Variants in LRMDA observed in about 807,000 individuals in gnomAD.
LRMDA encodes leucine-rich melanocyte differentiation-associated protein.
Under a neutral mutation model 29.8 loss-of-function variants are expected in LRMDA, and 18 were observed. That is an observed-to-expected ratio of 0.60 (90% confidence interval 0.42 to 0.90). The LOEUF (loss-of-function observed/expected upper bound fraction) is 0.90. Among genes scored for constraint, LRMDA ranks in the 40% least tolerant of loss-of-function variants. The probability of loss-of-function intolerance (pLI) is 0.00; values close to 1 mark genes in which losing one functional copy is unlikely to be tolerated. For synonymous variants in LRMDA, 125 were observed against 109.4 expected (o/e 1.14, Z -0.89); for missense variants, 273 against 273.9 (o/e 1.00, Z 0.02).
At chr10:75,463,039 T>G (rs1844605837) in intron 2 of LRMDA, among the ~76,000 whole-genome samples, 3 of 152,294 alleles carry the variant, frequency 2.0e-5, no homozygotes, top group Non-Finnish European at 4.4e-5. Flanking sequence ...CACCTGAGGC[T>G]CCGTTGTTAA....
intron 2 of LRMDA, among the ~76,000 whole-genome samples, chr10:75,692,202 T>TGG (rs1487031449): frequency 3.5e-5 from 3 of 86,614 alleles, no homozygotes; most frequent in Non-Finnish European, 6.2e-5. Flanking sequence ...ACCTTGTCTC[T>TGG]GGGGGGAAAA....
intron 2 of LRMDA, among the ~76,000 whole-genome samples, chr10:75,754,951 A>G (rs1381666358): frequency 6.6e-6 from 1 of 151,876 alleles, no homozygotes; most frequent in Admixed American, 6.6e-5. Flanking sequence ...TTGTGTATCT[A>G]TAGGTATGAA....
chr10:75,885,113 G>GC (rs1845362987), intron 2 of LRMDA, among the ~76,000 whole-genome samples: 1 of 152,082 alleles, frequency 6.6e-6, no homozygotes, highest in Non-Finnish European at 1.5e-5. Context: ...AGTTCGGGAG[G>GC]CCTGGGAAGG....
intron 2 of LRMDA, among the ~76,000 whole-genome samples, chr10:75,445,756 T>C (rs1589146467): frequency 6.6e-6 from 1 of 152,216 alleles, no homozygotes; most frequent in Non-Finnish European, 1.5e-5. Context: ...AGAGCAGAGC[T>C]CCCATGGCAA....
At chr10:76,338,881 G>C (rs1432645069) in intron 6 of LRMDA, among the ~76,000 whole-genome samples, 1 of 152,096 alleles carries the variant, frequency 6.6e-6, no homozygotes, top group Middle Eastern at 3.2e-3. Flanking sequence ...AAATGACAAA[G>C]AGGGTTATTT....
intron 2 of LRMDA, among the ~76,000 whole-genome samples, chr10:75,993,040 T>G (rs1231843872): frequency 6.6e-6 from 1 of 152,098 alleles, no homozygotes; most frequent in African/African-American, 2.4e-5. Flanking sequence ...TTTACAACTT[T>G]TATTGGAGCT....
chr10:76,384,194 T>C (rs527580103), intron 6 of LRMDA, among the ~76,000 whole-genome samples: 1 of 152,352 alleles, frequency 6.6e-6, no homozygotes, highest in African/African-American at 2.4e-5. Flanking sequence ...CAGTAAAGTT[T>C]ATGTCATTTT....
At chr10:75,622,955 A>T in intron 2 of LRMDA, among the ~76,000 whole-genome samples, 1 of 152,226 alleles carries the variant, frequency 6.6e-6, no homozygotes. Context: ...TACAAGGTAA[A>T]CTATTTTGTT....
intron 5 of LRMDA, among the ~76,000 whole-genome samples, chr10:76,140,691 A>ACTCTCT (rs150544970): frequency 6.6e-6 from 1 of 150,576 alleles, no homozygotes; most frequent in Non-Finnish European, 1.5e-5. Context: ...ACAGGGTGGA[A>ACTCTCT]CTCTCTCTCT....
rs548881902 is a variant in LRMDA, at chr10:75,910,304, G to T, written c.132-125704G>T. ...ACATCAAGTTGATGTTCAAGAGCTGGGTTCAAATTCTATTTTTCTCCTTTG... is the reference window on the plus strand; with the variant it reads ...ACATCAAGTTGATGTTCAAGAGCTGTGTTCAAATTCTATTTTTCTCCTTTG... On this transcript the variant is annotated intron_variant, in intron 2 of 6. Coordinates refer to ENST00000611255, the MANE Select transcript of LRMDA (RefSeq NM_001305581.2). 3.9e-5 allele frequency among the ~76,000 whole-genome samples: 6 copies of T among 152,114 alleles called. No individual in the cohort carries two copies. The South Asian group carries it at 1.2e-3, about 32-fold the overall frequency.
At chr10:75,668,993 C>T (rs1662366770) in intron 2 of LRMDA, among the ~76,000 whole-genome samples, 1 of 152,170 alleles carries the variant, frequency 6.6e-6, no homozygotes, top group Non-Finnish European at 1.5e-5. Context: ...AAATGTCTCT[C>T]AAGGCAAATG....
rs1477647945 is a variant in LRMDA at position 76,496,986 on chromosome 10, G to A, written c.602-60223G>A. Among the ~76,000 whole-genome samples the A allele has an allele frequency of 3.6e-4, 27 of 75,366 alleles. 7 individuals carry two copies. Among genetic ancestry groups the A allele is most frequent in the African/African-American group, 8.7e-4 (27 of 30,986 alleles). 49.4% of individuals were successfully genotyped at this position (75,366 alleles called of 152,430 possible). A position where few individuals can be genotyped will look rare whatever the true frequency, so the allele number is the denominator to read the frequency against. ...TCTTTAACTGTGCATTGGTGGTAGG[G>A]TGTTGTGTAGGTTTCTTGTCTGCCA... On this transcript the variant is annotated intron_variant, in intron 6 of 6. Coordinates refer to ENST00000611255, the MANE Select transcript of LRMDA (RefSeq NM_001305581.2).
intron 2 of LRMDA, among the ~76,000 whole-genome samples, chr10:76,004,038 C>T (rs949054438): frequency 1.3e-5 from 2 of 152,226 alleles, no homozygotes; most frequent in Non-Finnish European, 2.9e-5. Context: ...TGAATAAATT[C>T]ATCAATGAGC....
chr10:75,850,874 G>T (rs952800973), intron 2 of LRMDA, among the ~76,000 whole-genome samples: 4 of 152,188 alleles, frequency 2.6e-5, no homozygotes, highest in Non-Finnish European at 5.9e-5. Context: ...GTTCTGGGCA[G>T]AGGCTACCAG....
intron 5 of LRMDA, among the ~76,000 whole-genome samples, chr10:76,141,250 G>A (rs1216626775): frequency 6.6e-6 from 1 of 151,870 alleles, no homozygotes; most frequent in Non-Finnish European, 1.5e-5. Flanking sequence ...TTTTGTTATG[G>A]GGGTCCATTC....
chr10:75,613,738 T>C (rs1841064062), intron 2 of LRMDA, among the ~76,000 whole-genome samples: 1 of 152,166 alleles, frequency 6.6e-6, no homozygotes, highest in South Asian at 2.1e-4. Context: ...ACCACTGACA[T>C]ATGGATGTGA....
At chr10:75,564,306 C>G (rs559529966) in intron 2 of LRMDA, among the ~76,000 whole-genome samples, 1 of 152,192 alleles carries the variant, frequency 6.6e-6, no homozygotes, top group Non-Finnish European at 1.5e-5. Flanking sequence ...TGGCAATCAT[C>G]GAGACTCTGT....
At chr10:76,331,682 G>T (rs1205289676) in intron 6 of LRMDA, among the ~76,000 whole-genome samples, 1 of 152,204 alleles carries the variant, frequency 6.6e-6, no homozygotes, top group Non-Finnish European at 1.5e-5. Context: ...TGACTGTGTG[G>T]GGGAAGAGTG....
At position 75,438,455 on chromosome 10, in the gene LRMDA, AT is replaced by A; in HGVS notation, c.95del (p.Phe32SerfsTer7). The A allele has an allele frequency of 6.4e-7, 1 of 1,550,892 alleles. No individual in the cohort carries two copies. Among genetic ancestry groups the A allele is most frequent in the Non-Finnish European group, 8.7e-7 (1 of 1,147,064 alleles). On this transcript the variant is annotated frameshift_variant, in exon 2 of 7. Coordinates refer to ENST00000611255, the MANE Select transcript of LRMDA (RefSeq NM_001305581.2). LOFTEE classifies it high-confidence loss of function. ...GAGCACCTTGGCAGGGACTGTGGAC[AT>A]TTCGCAAAGAGGCTTGATCTGAGCT... is the stretch of plus-strand genomic sequence containing the variant. ...IPEHLGRDCG[H>X]FAKRLDLSFN...
Sources: allele counts gnomAD v4.1 joint callset (sites outside exome capture counted in the v4.1 genomes callset), GRCh38; gene constraint gnomAD v4.1.1; transcripts MANE v1.5; gene names NCBI Gene and HGNC (gene_info 2026-07-23, HGNC 2026-07-21).